CDC27: variants seen among roughly 807,000 people sequenced by gnomAD.
CDC27 encodes cell division cycle protein 27 homolog.
In CDC27, 27 loss-of-function variants were observed where a neutral mutation model predicts 109.7. The ratio of observed to expected loss-of-function variants is 0.25; its 90% CI spans 0.18 to 0.34. The LOEUF is 0.34. Ranked by LOEUF, CDC27 falls within the 10% of genes least tolerant of loss-of-function variation. The pLI, the probability that CDC27 is intolerant of heterozygous loss-of-function variation, is 1.00. For missense variants in CDC27, 579 were observed against 960.2 expected (o/e 0.60, Z 5.25); for synonymous variants, 266 against 333.9 (o/e 0.80, Z 2.22).
At chr17:47,149,815 C>T (rs141680566) in intron 9 of CDC27, among the ~76,000 whole-genome samples, 6,350 of 151,604 alleles carry the variant, frequency 0.042, 186 homozygotes, top group Admixed American at 0.054. Context: ...ATTAGCCGGG[C>T]GTGGTGGCAC....
At chr17:47,164,888 G>A (rs535532986) in intron 4 of CDC27, among the ~76,000 whole-genome samples, 18 of 152,142 alleles carry the variant, frequency 1.2e-4, no homozygotes, top group African/African-American at 4.3e-4. Flanking sequence ...GTTTTTACAC[G>A]TTTATATAGA....
intron 9 of CDC27, among the ~76,000 whole-genome samples, chr17:47,145,264 G>A (rs2062920342): frequency 6.6e-6 from 1 of 152,190 alleles, no homozygotes; most frequent in Non-Finnish European, 1.5e-5. Context: ...GTCCCACTGT[G>A]TTGAAAAGAA....
chr17:47,184,756 G>A (rs2064366833), intron 1 of CDC27, among the ~76,000 whole-genome samples: 1 of 152,144 alleles, frequency 6.6e-6, no homozygotes, highest in African/African-American at 2.4e-5. Flanking sequence ...AGTGTCTCTT[G>A]TGCCGGGATT....
chr17:47,156,053 C>T (rs1025912244), intron 7 of CDC27, among the ~76,000 whole-genome samples: 14 of 152,102 alleles, frequency 9.2e-5, no homozygotes, highest in South Asian at 4.1e-4. Context: ...TGAGGCTCAC[C>T]GCTATCCATT....
intron 4 of CDC27, among the ~76,000 whole-genome samples, chr17:47,163,461 G>A (rs775725524): frequency 6.6e-6 from 1 of 152,172 alleles, no homozygotes; most frequent in Non-Finnish European, 1.5e-5. Flanking sequence ...AGCACTTTGG[G>A]AGGCTGAGGT....
intron 5 of CDC27, 101 bp from the exon 6 acceptor site, chr17:47,157,485 C>G: frequency 1.2e-6 from 1 of 821,672 alleles, no homozygotes. Context: ...AGGCCTTATC[C>G]AAACTTTAAA....
intron 8 of CDC27, among the ~76,000 whole-genome samples, chr17:47,154,260 G>A (rs1045718791): frequency 6.6e-6 from 1 of 150,784 alleles, no homozygotes; most frequent in Non-Finnish European, 1.5e-5. Flanking sequence ...AATTATTAGT[G>A]TTATTAAAAA....
In CDC27 at chr17:47,119,302, A is replaced by G. The variant is rs2061936387; in HGVS notation, c.*1633T>C. The G allele has an allele frequency of 6.6e-6, 1 of 152,182 alleles. No homozygotes were observed. The highest frequency in any genetic ancestry group is 1.9e-4 in the East Asian group (1 of 5,204). The allele number at this position is 152,182 out of a possible 1,614,324, so 9.4% of individuals were successfully genotyped here. On this transcript the variant is annotated 3_prime_UTR_variant, in exon 19 of 19. Coordinates refer to ENST00000066544, the MANE Select transcript of CDC27 (RefSeq NM_001256.6). ...AAATTTAGGTAGGGAAATCTGTTAAATATCTCTCTGGCACCTGATACCTAA... is the reference window on the plus strand; with the variant it reads ...AAATTTAGGTAGGGAAATCTGTTAAGTATCTCTCTGGCACCTGATACCTAA...
At chr17:47,165,742 G>A (rs1432293642) in intron 4 of CDC27, among the ~76,000 whole-genome samples, 1 of 152,010 alleles carries the variant, frequency 6.6e-6, no homozygotes, top group Non-Finnish European at 1.5e-5. Context: ...CCTAACCCTA[G>A]CTCATAAAGA....
intron 2 of CDC27, among the ~76,000 whole-genome samples, chr17:47,175,102 T>G (rs2063957154): frequency 7.4e-6 from 1 of 134,466 alleles, no homozygotes; most frequent in Non-Finnish European, 1.6e-5. Context: ...AGGAAGTAAG[T>G]TGTAGCAGCA....
At position 47,137,805 on chromosome 17, in the gene CDC27, C is replaced by CTT. The variant is rs11464067; in HGVS notation, c.1705-447_1705-446dup. Among the ~76,000 whole-genome samples the CTT allele has an allele frequency of 6.3e-4, 91 of 144,458 alleles. 1 individual carries two copies. Among genetic ancestry groups the CTT allele is most frequent in the African/African-American group, 1.0e-3 (40 of 38,822 alleles). 94.8% of individuals were successfully genotyped at this position (144,458 alleles called of 152,430 possible). On this transcript the variant is annotated intron_variant, in intron 13 of 18. Transcript: ENST00000066544. Reference sequence around the variant, plus strand: ...GTCACCTCTGAACCTCATTCTCTCTCTTTTTTTTTTTTTGAGATCTGGTCT... The same window carrying CTT: ...GTCACCTCTGAACCTCATTCTCTCTCTTTTTTTTTTTTTTTGAGATCTGGTCT...
chr17:47,175,086 GAAGGAAGGAAGT>G (rs879366970), intron 2 of CDC27, among the ~76,000 whole-genome samples: 7,352 of 117,838 alleles, frequency 0.062, 282 homozygotes, highest in African/African-American at 0.091. Flanking sequence ...AGGAAGGAAG[GAAGGAAGGAAGT>G]AAGTTGTAGC....
At chr17:47,129,062 C>T (rs904479957) in intron 16 of CDC27, among the ~76,000 whole-genome samples, 3 of 152,182 alleles carry the variant, frequency 2.0e-5, no homozygotes, top group African/African-American at 4.8e-5. Flanking sequence ...TAAGCCACTG[C>T]GCCTGGCCCA....
At chr17:47,159,135 T>G in intron 4 of CDC27, 2 of 322,692 alleles carry the variant, frequency 6.2e-6, no homozygotes, top group South Asian at 1.4e-4. Flanking sequence ...CAGGTTTTTA[T>G]TTGTTGTTGT....
chr17:47,138,698 A>G, intron 13 of CDC27, 41 bp downstream of exon 13: 1 of 1,454,928 alleles, frequency 6.9e-7, no homozygotes. Context: ...GAGGGTGATC[A>G]AAAAGGTAAC....
intron 9 of CDC27, among the ~76,000 whole-genome samples, chr17:47,149,953 TAAAACA>T (rs928481805): frequency 2.6e-5 from 4 of 151,784 alleles, no homozygotes; most frequent in South Asian, 4.2e-4. Context: ...AAACTCCGTC[TAAAACA>T]AAAACAAAAA....
At position 47,144,731 on chromosome 17, in the gene CDC27, A is replaced by G. The variant is rs375733400; in HGVS notation, c.1071-749T>C. Among the ~76,000 whole-genome samples the G allele has an allele frequency of 9.2e-5, 14 of 152,252 alleles. No individual in the cohort carries two copies. In the East Asian group the frequency reaches 1.2e-3, roughly 13 times the overall value. Reference sequence around the variant, plus strand: ...TTGTGGACTAAACTATCTAAACTTTATAATTTATGGGAAATCCTACTAGCT... The same window carrying G: ...TTGTGGACTAAACTATCTAAACTTTGTAATTTATGGGAAATCCTACTAGCT... On this transcript the variant is annotated intron_variant, in intron 9 of 18. Coordinates refer to ENST00000066544, the MANE Select transcript of CDC27 (RefSeq NM_001256.6).
chr17:47,159,779 C>T (rs1567691136), intron 4 of CDC27: 2 of 428,752 alleles, frequency 4.7e-6, no homozygotes, highest in Non-Finnish European at 9.0e-6. Context: ...GAGAGAGGCC[C>T]CCAGGAAAAA....
Position 47,139,114 on chromosome 17 carries a change from T to C in CDC27, c.1552-223A>G, listed in dbSNP as rs545956731. Among the ~76,000 whole-genome samples, 16 of 152,214 alleles carry C rather than the reference T, an allele frequency of 1.1e-4. No individual in the cohort carries two copies. In the East Asian group the frequency reaches 3.1e-3, roughly 29 times the overall value. On this transcript the variant is annotated intron_variant, in intron 12 of 18. Transcript: ENST00000066544. ...CAACCTAGTATTTATATACAAGCCA[T>C]GGTAAGAACATGAACTCTGAAAAGG...
Sources: gnomAD v4.1 joint callset for allele counts (sites outside exome capture counted in the v4.1 genomes callset) on GRCh38, gnomAD v4.1.1 for gene constraint, MANE v1.5 for transcripts, NCBI Gene and HGNC (gene_info 2026-07-23, HGNC 2026-07-21) for gene names.